Variants in ADAMTS17 observed in about 807,000 individuals in gnomAD.
ADAMTS17 encodes the protein A disintegrin and metalloproteinase with thrombospondin motifs 17.
In ADAMTS17, 113 loss-of-function variants were observed where a neutral mutation model predicts 141.5. The ratio of observed to expected loss-of-function variants is 0.80; its 90% CI spans 0.69 to 0.93. The LOEUF is 0.93. Among genes scored for constraint, ADAMTS17 ranks in the 40% least tolerant of loss-of-function variants. ADAMTS17 has a pLI of 0.00. For missense variants in ADAMTS17, 1,659 were observed against 1,517.9 expected (o/e 1.09, Z -1.54); for synonymous variants, 768 against 630.6 (o/e 1.22, Z -3.27).
intron 3 of ADAMTS17, among the ~76,000 whole-genome samples, chr15:100,319,548 A>G (rs1346458960): frequency 6.6e-6 from 1 of 152,168 alleles, no homozygotes; most frequent in Non-Finnish European, 1.5e-5. Flanking sequence ...GTCTCTACTA[A>G]AAATACAAAA....
chr15:100,051,430 G>A lies in ADAMTS17; in HGVS notation c.2455+142C>T, dbSNP rs1293684565. On this transcript the variant is annotated intron_variant, in intron 17 of 21. Transcript: ENST00000268070. ...AGACTCTGTCCAAGTATTCTGCAGA[G>A]AGATTTTCGGTGGGATATGGTTAAA... is the stretch of plus-strand genomic sequence containing the variant. 4.1e-6 allele frequency: 5 copies of A among 1,233,208 alleles called. No homozygotes were observed. The South Asian group carries it at 4.9e-5, about 12-fold the overall frequency. 76.4% of individuals were successfully genotyped at this position (1,233,208 alleles called of 1,614,324 possible).
chr15:100,063,628 C>T lies in ADAMTS17; in HGVS notation c.2138-9574G>A, dbSNP rs766253009. The T allele has an allele frequency of 5.9e-4, 751 of 1,283,304 alleles. 1 individual carries two copies. The highest frequency in any genetic ancestry group is 7.0e-4 in the Non-Finnish European group (687 of 983,076). The allele number at this position is 1,283,304 out of a possible 1,614,324, so 79.5% of individuals were successfully genotyped here. ...TGAACCAATTTACCAGACTGATCAT[C>T]AAAATCGATTCTCAACACATAAATG... On this transcript the variant is annotated intron_variant, in intron 15 of 21. Transcript: ENST00000268070.
intron 7 of ADAMTS17, among the ~76,000 whole-genome samples, chr15:100,209,113 CAAAAAA>C (rs60742726): frequency 1.5e-4 from 15 of 96,962 alleles, no homozygotes; most frequent in African/African-American, 6.9e-4. Flanking sequence ...GCCAAGTTAG[CAAAAAA>C]AAAAAAAAAA....
At chr15:100,215,063 A>G (rs1001934158) in intron 7 of ADAMTS17, among the ~76,000 whole-genome samples, 3 of 152,208 alleles carry the variant, frequency 2.0e-5, no homozygotes, top group Non-Finnish European at 2.9e-5. Flanking sequence ...ATCCAAAAAC[A>G]TAACAACCCA....
intron 20 of ADAMTS17, chr15:99,976,609 G>A (rs909536016): frequency 2.7e-6 from 1 of 373,884 alleles, no homozygotes; most frequent in African/African-American, 2.1e-5. Context: ...GCTTTGGGAG[G>A]TGAGTAGGGT....
chr15:100,153,502 C>G (rs2039288208), intron 9 of ADAMTS17, among the ~76,000 whole-genome samples: 1 of 152,124 alleles, frequency 6.6e-6, no homozygotes, highest in Non-Finnish European at 1.5e-5. Flanking sequence ...ATTAGCCAGG[C>G]ATGGTTGTAG....
chr15:100,331,078 G>A (rs143732895), intron 2 of ADAMTS17, 24 bp from the exon 3 acceptor site: 13 of 1,613,966 alleles, frequency 8.1e-6, no homozygotes, highest in African/African-American at 4.0e-5. Flanking sequence ...AGAAGGAAAC[G>A]CGATGTCGGT....
At chr15:100,160,948 AGTT>A (rs1027331783) in intron 8 of ADAMTS17, among the ~76,000 whole-genome samples, 15 of 152,174 alleles carry the variant, frequency 9.9e-5, no homozygotes, top group African/African-American at 3.4e-4. Flanking sequence ...AACTCATATT[AGTT>A]TAAGTTTATG....
chr15:100,067,622 C>A (rs1048465009), intron 15 of ADAMTS17, among the ~76,000 whole-genome samples: 3 of 151,988 alleles, frequency 2.0e-5, no homozygotes, highest in Non-Finnish European at 4.4e-5. Context: ...ATGTTTATCT[C>A]TTTTGTCTTC....
intron 15 of ADAMTS17, among the ~76,000 whole-genome samples, chr15:100,069,500 C>T (rs1216733558): frequency 6.6e-6 from 1 of 152,136 alleles, no homozygotes; most frequent in African/African-American, 2.4e-5. Context: ...AGAGAAAGGT[C>T]AGGTTACCCA....
intron 3 of ADAMTS17, among the ~76,000 whole-genome samples, chr15:100,283,619 C>T (rs906516186): frequency 1.3e-5 from 2 of 152,184 alleles, no homozygotes; most frequent in African/African-American, 2.4e-5. Flanking sequence ...GTTGGTTATT[C>T]GGTACTTGTT....
chr15:100,005,274 C>A (rs1467870829), intron 18 of ADAMTS17, among the ~76,000 whole-genome samples: 1 of 152,218 alleles, frequency 6.6e-6, no homozygotes, highest in African/African-American at 2.4e-5. Flanking sequence ...TTACCCCCAA[C>A]TTAATGGCTC....
chr15:100,293,143 C>T (rs1015864071), intron 3 of ADAMTS17, among the ~76,000 whole-genome samples: 1 of 152,096 alleles, frequency 6.6e-6, no homozygotes, highest in African/African-American at 2.4e-5. Context: ...CTCAGGGGTC[C>T]CTTGGTCCAG....
rs888956785 is a variant in ADAMTS17, at chr15:99,973,730, C to G, written c.*672G>C. The G allele has an allele frequency of 6.4e-6, 1 of 156,466 alleles. No homozygotes were observed. Among genetic ancestry groups the G allele is most frequent in the Non-Finnish European group, 1.4e-5 (1 of 70,692 alleles). The allele number at this position is 156,466 out of a possible 1,614,324, so 9.7% of individuals were successfully genotyped here. A position where few individuals can be genotyped will look rare whatever the true frequency, so the allele number is the denominator to read the frequency against. On this transcript the variant is annotated 3_prime_UTR_variant, in exon 22 of 22. Transcript: ENST00000268070. ...ACTCTCTTGGAACATTCTTCCCATG[C>G]GGGTGGTATGAACTGCGTGGCACTG...
chr15:100,126,474 G>A (rs1370882540), intron 12 of ADAMTS17: 2 of 152,200 alleles, frequency 1.3e-5, no homozygotes, highest in African/African-American at 2.4e-5. Flanking sequence ...TGTTCTCAAG[G>A]TGATGCCGAG....
At chr15:100,143,877 T>A (rs182046165) in intron 10 of ADAMTS17, among the ~76,000 whole-genome samples, 1 of 152,302 alleles carries the variant, frequency 6.6e-6, no homozygotes, top group Admixed American at 6.5e-5. Flanking sequence ...GAAATGATGT[T>A]TAAATTGATT....
chr15:100,041,335 A>ATATC (rs1462242963), intron 18 of ADAMTS17, among the ~76,000 whole-genome samples: 1 of 152,234 alleles, frequency 6.6e-6, no homozygotes, highest in East Asian at 1.9e-4. Context: ...CCATAGGGAA[A>ATATC]TATCTAATAA....
At chr15:100,127,634 T>C (rs191675849) in intron 12 of ADAMTS17, among the ~76,000 whole-genome samples, 1 of 152,322 alleles carries the variant, frequency 6.6e-6, no homozygotes, top group East Asian at 1.9e-4. Flanking sequence ...CAGGCTGGAG[T>C]GCAGTGGTGT....
intron 3 of ADAMTS17, among the ~76,000 whole-genome samples, chr15:100,328,836 C>G (rs117288005): frequency 0.027 from 4,052 of 152,258 alleles, 86 homozygotes; most frequent in Non-Finnish European, 0.038. Context: ...TGACCATGGA[C>G]TAGAGTCTGA....
Sources: allele counts gnomAD v4.1 joint callset (sites outside exome capture counted in the v4.1 genomes callset), GRCh38; gene constraint gnomAD v4.1.1; transcripts MANE v1.5; gene names NCBI Gene and HGNC (gene_info 2026-07-23, HGNC 2026-07-21).